PPEF1: variants seen among roughly 807,000 people sequenced by gnomAD.
The protein encoded by PPEF1 is protein phosphatase with EF-hand domain 1.
Under a neutral mutation model 53.3 loss-of-function variants are expected in PPEF1, and 12 were observed. That is an observed-to-expected ratio of 0.23 (90% CI 0.14 to 0.36). The LOEUF (loss-of-function observed/expected upper bound fraction) is 0.36, where lower values mean the gene tolerates loss of function less well. Among genes scored for constraint, PPEF1 ranks in the 10% least tolerant of loss-of-function variants. The pLI is 1.00. For missense variants in PPEF1, 334 were observed against 490.4 expected (o/e 0.68, Z 3.01); for synonymous variants, 165 against 176.7 (o/e 0.93, Z 0.52).
At chrX:18,797,141 A>G (rs1224258610) in intron 10 of PPEF1, among the ~76,000 whole-genome samples, 2 of 111,966 alleles carry the variant, frequency 1.8e-5, no homozygotes, top group Admixed American at 1.9e-4. Flanking sequence ...TTGTGCCCCT[A>G]ATTTTCTTTC....
At chrX:18,714,137 CAA>C (rs999738336) in intron 1 of PPEF1, among the ~76,000 whole-genome samples, 1 of 111,348 alleles carries the variant, frequency 9.0e-6, no homozygotes, top group African/African-American at 3.3e-5. Flanking sequence ...AACCATATTC[CAA>C]AGAGTGTTCA....
intron 10 of PPEF1, among the ~76,000 whole-genome samples, chrX:18,801,418 G>A (rs1015852229): frequency 1.8e-5 from 2 of 111,497 alleles, no homozygotes; most frequent in Admixed American, 1.9e-4. Flanking sequence ...GCAATTCCTG[G>A]TCCTCTTCTC....
At chrX:18,724,220 T>G (rs5955634) in intron 1 of PPEF1, among the ~76,000 whole-genome samples, 54,228 of 110,513 alleles carry the variant, frequency 0.49, 9,928 homozygotes, top group Non-Finnish European at 0.56. Context: ...ACCCCAGACA[T>G]GTTGTTTCTG....
At chrX:18,806,980 T>A (rs939935305) in intron 12 of PPEF1, among the ~76,000 whole-genome samples, 2 of 109,107 alleles carry the variant, frequency 1.8e-5, no homozygotes, top group East Asian at 5.7e-4. Context: ...CCCTTTAACA[T>A]TATCTTTCTA....
intron 10 of PPEF1, 26 bp downstream of exon 10, chrX:18,789,299 G>C: frequency 8.4e-7 from 1 of 1,189,396 alleles, no homozygotes; most frequent in South Asian, 1.8e-5. Flanking sequence ...GTTCACTGCA[G>C]TGGCAACAAT....
At chrX:18,682,448 A>C (rs1289124168), upstream of PPEF1, among the ~76,000 whole-genome samples, 4 of 111,785 alleles carry the variant, frequency 3.6e-5, no homozygotes, top group Non-Finnish European at 7.5e-5. Context: ...CATAGGGAGG[A>C]GGTTCAGAAG....
At chrX:18,737,874 G>T (rs1357140968) in intron 3 of PPEF1, among the ~76,000 whole-genome samples, 2 of 111,610 alleles carry the variant, frequency 1.8e-5, no homozygotes, top group African/African-American at 6.5e-5. Context: ...TTACCATTTT[G>T]TAATGGCCTT....
upstream of PPEF1, among the ~76,000 whole-genome samples, chrX:18,681,286 A>G (rs979830394): frequency 8.9e-5 from 10 of 111,885 alleles, no homozygotes; most frequent in African/African-American, 2.9e-4. Context: ...CTGCAGCACT[A>G]AATTTCTACA....
At chrX:18,782,933 T>G (rs2046115792) in intron 8 of PPEF1, among the ~76,000 whole-genome samples, 1 of 107,486 alleles carries the variant, frequency 9.3e-6, no homozygotes, top group Non-Finnish European at 1.9e-5. Context: ...ACCAACGTGG[T>G]GAAACCCTGT....
At chrX:18,825,666 G>A in intron 14 of PPEF1, 85 bp from the exon 15 acceptor site, 1 of 557,266 alleles carries the variant, frequency 1.8e-6, no homozygotes, top group Non-Finnish European at 2.7e-6. Flanking sequence ...AATTGTTGAT[G>A]ATGTTTTCTG....
intron 9 of PPEF1, among the ~76,000 whole-genome samples, chrX:18,788,153 A>G (rs193041659): frequency 0.012 from 1,319 of 109,253 alleles, 4 homozygotes; most frequent in Non-Finnish European, 0.019. Flanking sequence ...CGTCTCTTCT[A>G]AAAAATAGAA....
At chrX:18,801,398 A>G (rs1342290963) in intron 10 of PPEF1, among the ~76,000 whole-genome samples, 2 of 111,789 alleles carry the variant, frequency 1.8e-5, no homozygotes, top group Non-Finnish European at 3.8e-5. Context: ...CGGGTGTACA[A>G]TCATGTTTAG....
At chrX:18,771,316 TGAA>T (rs2147545347) in intron 6 of PPEF1, among the ~76,000 whole-genome samples, 1 of 111,720 alleles carries the variant, frequency 9.0e-6, no homozygotes, top group Non-Finnish European at 1.9e-5. Context: ...CCATCTTTCG[TGAA>T]CATCTTTAAT....
chrX:18,756,986 G>T (rs1286565281), intron 4 of PPEF1, among the ~76,000 whole-genome samples: 2 of 111,047 alleles, frequency 1.8e-5, no homozygotes, highest in East Asian at 2.8e-4. Flanking sequence ...GAGGCAGGAG[G>T]ATCATTTGAG....
At chrX:18,733,670 G>C (rs977989144) in intron 2 of PPEF1, 78 bp from the exon 3 acceptor site, 4 of 848,062 alleles carry the variant, frequency 4.7e-6, no homozygotes, top group Non-Finnish European at 6.7e-6. Flanking sequence ...AAGGGCACTC[G>C]GGTGGAACAC....
Position 18,700,389 on chromosome X carries a change from A to G in PPEF1, c.-169A>G, listed in dbSNP as rs759582137. On this transcript the variant is annotated 5_prime_UTR_variant, in exon 6 of 22. Transcript: ENST00000361511. ...TTCTCGTCTTCATTTCCTTTGAAAC[A>G]CCTGGGGTGAGGAAAAACCTCTACA... is the stretch of plus-strand genomic sequence containing the variant. 1.1e-4 allele frequency: 12 copies of G among 105,893 alleles called. No homozygotes were observed. The Middle Eastern group carries it at 0.023, about 207-fold the overall frequency. 8.7% of individuals were successfully genotyped at this position (105,893 alleles called of 1,213,427 possible).
At chrX:18,786,780 C>CAAAAAAA (rs761641178) in intron 9 of PPEF1, among the ~76,000 whole-genome samples, 1 of 58,829 alleles carries the variant, frequency 1.7e-5, no homozygotes, top group Non-Finnish European at 3.0e-5. Flanking sequence ...AACACTATCT[C>CAAAAAAA]AAAAAAAAAA....
intron 3 of PPEF1, among the ~76,000 whole-genome samples, chrX:18,740,744 C>T (rs2045134795): frequency 9.0e-6 from 1 of 111,082 alleles, no homozygotes; most frequent in South Asian, 3.7e-4. Context: ...GTCTACCTAT[C>T]ATCTAGTCAT....
At chrX:18,817,068 A>ATATGTGTGTGTG (rs1491253769) in intron 12 of PPEF1, among the ~76,000 whole-genome samples, 1,568 of 100,070 alleles carry the variant, frequency 0.016, 18 homozygotes, top group African/African-American at 0.044. Context: ...TCATTTTGCC[A>ATATGTGTGTGTG]TGTGTGTGTG....
Sources: gnomAD v4.1 joint callset for allele counts (sites outside exome capture counted in the v4.1 genomes callset) on GRCh38, gnomAD v4.1.1 for gene constraint, MANE v1.5 for transcripts, NCBI Gene and HGNC (gene_info 2026-07-23, HGNC 2026-07-21) for gene names.